Variants in PTGES3 observed in about 807,000 individuals in gnomAD.
PTGES3 encodes prostaglandin E synthase 3, also known as Hsp90 co-chaperone.
In PTGES3, 5 loss-of-function variants were observed where a neutral mutation model predicts 29.9. The ratio of observed to expected loss-of-function variants is 0.17; its 90% CI spans 0.09 to 0.35. The LOEUF (loss-of-function observed/expected upper bound fraction) is 0.35. PTGES3 is among the 10% of genes least tolerant of loss of function. PTGES3 has a pLI of 1.00. For missense variants in PTGES3, 128 were observed against 190.0 expected (o/e 0.67, Z 1.92); for synonymous variants, 49 against 57.8 (o/e 0.85, Z 0.69).
intron 1 of PTGES3, among the ~76,000 whole-genome samples, chr12:56,676,863 G>T (rs11838315): frequency 7.2e-6 from 1 of 138,700 alleles, no homozygotes; most frequent in African/African-American, 2.7e-5. Context: ...GGAGGTTGCA[G>T]TGAGCTGAGA....
chr12:56,671,584 G>C (rs1952008710), intron 4 of PTGES3, among the ~76,000 whole-genome samples, 165 bp downstream of exon 4: 1 of 152,148 alleles, frequency 6.6e-6, no homozygotes, highest in Non-Finnish European at 1.5e-5. Flanking sequence ...CTGATATTCT[G>C]ATCACACTTC....
At chr12:56,671,701 C>T (rs765753307) in intron 4 of PTGES3, 48 bp downstream of exon 4, 4 of 1,223,644 alleles carry the variant, frequency 3.3e-6, no homozygotes, top group Non-Finnish European at 4.6e-6. Context: ...TCTTTTATTA[C>T]CTAAAATAAA....
At chr12:56,665,161 TTAAG>T (rs1281672959) in intron 6 of PTGES3, 3 of 985,166 alleles carry the variant, frequency 3.0e-6, no homozygotes, top group Non-Finnish European at 3.6e-6. Flanking sequence ...TGAGTGAATA[TTAAG>T]TGTTTTTCTA....
At chr12:56,668,039 T>C (rs968010346) in intron 5 of PTGES3, among the ~76,000 whole-genome samples, 1 of 152,046 alleles carries the variant, frequency 6.6e-6, no homozygotes, top group South Asian at 2.1e-4. Flanking sequence ...ACCCAGGAGG[T>C]GGAGGCTGGA....
intron 1 of PTGES3, among the ~76,000 whole-genome samples, chr12:56,682,721 G>GAAA (rs754040277): frequency 2.2e-4 from 25 of 114,290 alleles, no homozygotes; most frequent in African/African-American, 4.8e-4. Context: ...CCATTTAAAA[G>GAAA]AAAAAAAAAA....
chr12:56,683,772 A>G (rs924449100), intron 1 of PTGES3, among the ~76,000 whole-genome samples: 1 of 151,774 alleles, frequency 6.6e-6, no homozygotes, highest in Non-Finnish European at 1.5e-5. Flanking sequence ...ATTCTGGCTA[A>G]CACGGTGAAA....
chr12:56,670,932 G>A (rs1439605062), intron 4 of PTGES3, among the ~76,000 whole-genome samples: 1 of 152,112 alleles, frequency 6.6e-6, no homozygotes, highest in Non-Finnish European at 1.5e-5. Flanking sequence ...AGTGGATCCT[G>A]TATCTGGGGA....
intron 6 of PTGES3, chr12:56,665,816 G>C (rs1422256511): frequency 2.7e-6 from 2 of 730,204 alleles, no homozygotes; most frequent in Admixed American, 6.2e-5. Flanking sequence ...AAGTTTTTAA[G>C]ACAGGGTTTC....
chr12:56,666,536 G>A (rs1951793241), intron 5 of PTGES3, among the ~76,000 whole-genome samples: 1 of 152,194 alleles, frequency 6.6e-6, no homozygotes, highest in African/African-American at 2.4e-5. Flanking sequence ...AATTCTACTT[G>A]AGTAGTGGTT....
At chr12:56,671,085 G>A (rs1197983272) in intron 4 of PTGES3, among the ~76,000 whole-genome samples, 1 of 151,830 alleles carries the variant, frequency 6.6e-6, no homozygotes, top group African/African-American at 2.4e-5. Flanking sequence ...ACTCTGGCAT[G>A]AGTGGCATGA....
intron 1 of PTGES3, among the ~76,000 whole-genome samples, chr12:56,677,704 G>T (rs911178389): frequency 1.5e-4 from 23 of 151,596 alleles, no homozygotes; most frequent in African/African-American, 5.3e-4. Flanking sequence ...GTTTTTTTGA[G>T]TTATAGCAAC....
intron 1 of PTGES3, among the ~76,000 whole-genome samples, chr12:56,676,120 G>C (rs1952228977): frequency 6.6e-6 from 1 of 151,244 alleles, no homozygotes; most frequent in African/African-American, 2.4e-5. Context: ...CAGCTATTTG[G>C]GAGGCTGGGA....
chr12:56,680,572 G>C (rs1952485332), intron 1 of PTGES3, among the ~76,000 whole-genome samples: 1 of 151,882 alleles, frequency 6.6e-6, no homozygotes, highest in South Asian at 2.1e-4. Context: ...GTAGAGATGG[G>C]GTTTCACCAC....
chr12:56,670,298 A>G lies in PTGES3; in HGVS notation c.352T>C (p.Ser118Pro), dbSNP rs111985538. ...DWEDDSDEDMSNFDRFSEMMN... is the reference protein window; with the variant it reads ...DWEDDSDEDMPNFDRFSEMMN... ...ACCTCAGAGAAACGATCAAAATTAG[A>G]CATGTCTTCATCTGAATCATCTTCC... The change falls in exon 5 of 8, where the codon TCT (serine) becomes CCT (proline). Residue 118 changes from serine (S) to proline (P), a missense_variant. By Grantham distance (74) the Ser-to-Pro change is moderately conservative. Transcript: ENST00000262033. 1.2e-6 allele frequency: 2 copies of G among 1,613,060 alleles called. No individual in the cohort carries two copies. Among genetic ancestry groups the G allele is most frequent in the Admixed American group, 1.7e-5 (1 of 60,020 alleles).
intron 1 of PTGES3, among the ~76,000 whole-genome samples, chr12:56,685,098 T>C (rs1051951509): frequency 1.2e-4 from 13 of 109,206 alleles, no homozygotes; most frequent in Admixed American, 2.2e-4. Context: ...AGGAAGACCC[T>C]GTCTCCAAAA....
intron 7 of PTGES3, 44 bp downstream of exon 7, chr12:56,664,732 A>G: frequency 6.4e-7 from 1 of 1,561,344 alleles, no homozygotes; most frequent in South Asian, 1.2e-5. Context: ...TTGTTTTTTG[A>G]TGCAAAGTAT....
intron 1 of PTGES3, among the ~76,000 whole-genome samples, chr12:56,673,784 T>C (rs1160345712): frequency 1.2e-5 from 1 of 80,448 alleles, no homozygotes; most frequent in Non-Finnish European, 2.4e-5. Flanking sequence ...AGAGCGAGAC[T>C]GTCTCAAAAA....
intron 3 of PTGES3, among the ~76,000 whole-genome samples, chr12:56,672,307 C>T (rs1489603084): frequency 6.6e-6 from 1 of 152,028 alleles, no homozygotes; most frequent in African/African-American, 2.4e-5. Context: ...AGTTTGAGAC[C>T]AGCCTGACCA....
chr12:56,670,312 G>A lies in PTGES3; in HGVS notation c.338C>T (p.Ser113Leu), dbSNP rs1227130269. 7 of 1,613,576 alleles carry A rather than the reference G, an allele frequency of 4.3e-6. No homozygotes were observed. The highest frequency in any genetic ancestry group is 5.9e-6 in the Non-Finnish European group (7 of 1,179,574). Reference sequence around the variant, plus strand: ...ATCAAAATTAGACATGTCTTCATCTGAATCATCTTCCCAGTCTTTCCAATT... The same window carrying A: ...ATCAAAATTAGACATGTCTTCATCTAAATCATCTTCCCAGTCTTTCCAATT... ...FNNWKDWEDD[S>L]DEDMSNFDRF... Residue 113 changes from serine to leucine, a missense_variant, in exon 5 of 8, where the codon TCA becomes TTA. Transcript: ENST00000262033.
Sources: gnomAD v4.1 joint callset for allele counts (sites outside exome capture counted in the v4.1 genomes callset) on GRCh38, gnomAD v4.1.1 for gene constraint, MANE v1.5 for transcripts, NCBI Gene and HGNC (gene_info 2026-07-23, HGNC 2026-07-21) for gene names.